Variants in RIT2 observed in about 807,000 individuals in gnomAD.
RIT2 encodes GTP-binding protein Rit2.
In RIT2, 24 loss-of-function variants were observed where a neutral mutation model predicts 23.7. The observed-to-expected ratio is 1.01, with a 90% confidence interval of 0.73 to 1.43. RIT2 has a LOEUF of 1.43. Among genes scored for constraint, RIT2 ranks in the 40% most tolerant of loss-of-function variants. The pLI is 0.00. For synonymous variants in RIT2, 107 were observed against 91.1 expected (o/e 1.17, Z -0.99); for missense variants, 236 against 266.9 (o/e 0.88, Z 0.81).
chr18:43,049,977 T>G (rs1273077771), intron 1 of RIT2, among the ~76,000 whole-genome samples: 25 of 18,094 alleles, frequency 1.4e-3, no homozygotes, highest in African/African-American at 2.4e-3. Context: ...ATTTCCTTTT[T>G]TTTTTTTTTT....
At chr18:42,922,654 G>A (rs1164303989) in intron 4 of RIT2, among the ~76,000 whole-genome samples, 4 of 152,014 alleles carry the variant, frequency 2.6e-5, no homozygotes, top group Admixed American at 2.0e-4. Context: ...ATCATAGTTC[G>A]GCCATCTGTT....
At chr18:43,095,176 G>A (rs1370993082) in intron 1 of RIT2, among the ~76,000 whole-genome samples, 11 of 151,878 alleles carry the variant, frequency 7.2e-5, no homozygotes, top group Admixed American at 3.9e-4. Flanking sequence ...ACACTCCCAC[G>A]AACAGTGTAA....
At chr18:43,086,897 C>T (rs1381489187) in intron 1 of RIT2, among the ~76,000 whole-genome samples, 2 of 152,162 alleles carry the variant, frequency 1.3e-5, no homozygotes, top group Non-Finnish European at 2.9e-5. Context: ...TCCTGCAGGA[C>T]AGTGACTATG....
At chr18:42,915,761 T>A (rs529050942) in intron 4 of RIT2, among the ~76,000 whole-genome samples, 11 of 152,130 alleles carry the variant, frequency 7.2e-5, no homozygotes, top group African/African-American at 2.4e-4. Flanking sequence ...AAAAACTAGA[T>A]TGAATCTGTA....
At chr18:42,843,713 T>G (rs916199639) in intron 4 of RIT2, among the ~76,000 whole-genome samples, 5 of 152,186 alleles carry the variant, frequency 3.3e-5, no homozygotes, top group Non-Finnish European at 5.9e-5. Context: ...TATAGAACTT[T>G]GGCAAGTATA....
intron 4 of RIT2, among the ~76,000 whole-genome samples, chr18:42,826,361 T>C (rs1015819784): frequency 6.6e-6 from 1 of 152,106 alleles, no homozygotes. Flanking sequence ...CTCAACATGA[T>C]AATGTTTAAT....
At chr18:42,970,163 C>T (rs924112654) in intron 3 of RIT2, among the ~76,000 whole-genome samples, 6 of 151,714 alleles carry the variant, frequency 4.0e-5, no homozygotes, top group African/African-American at 9.7e-5. Context: ...GCATTTTCCA[C>T]GTATGTAATG....
At chr18:43,047,160 T>C (rs796989821) in intron 1 of RIT2, among the ~76,000 whole-genome samples, 15 of 152,276 alleles carry the variant, frequency 9.9e-5, no homozygotes, top group African/African-American at 3.4e-4. Flanking sequence ...CTTTTATTTT[T>C]CTACCGTTTC....
chr18:42,931,417 A>C (rs1266999248), intron 3 of RIT2, among the ~76,000 whole-genome samples: 1 of 152,142 alleles, frequency 6.6e-6, no homozygotes, highest in Non-Finnish European at 1.5e-5. Flanking sequence ...CAACAATTAT[A>C]AAGCAAGTTA....
intron 1 of RIT2, among the ~76,000 whole-genome samples, chr18:43,076,361 T>G (rs1168297063): frequency 3.9e-5 from 6 of 152,068 alleles, no homozygotes; most frequent in Admixed American, 6.5e-5. Flanking sequence ...TTTTTTTTCC[T>G]CTCAGTAAGT....
chr18:42,796,847 ATTAC>A (rs1406791423), intron 4 of RIT2, among the ~76,000 whole-genome samples: 1 of 152,220 alleles, frequency 6.6e-6, no homozygotes, highest in Non-Finnish European at 1.5e-5. Flanking sequence ...AATTGTAAAT[ATTAC>A]TTAATACCTA....
chr18:42,983,941 A>T (rs1046766290), intron 2 of RIT2, among the ~76,000 whole-genome samples: 4 of 152,074 alleles, frequency 2.6e-5, no homozygotes, highest in African/African-American at 9.7e-5. Context: ...CACTCTGAAG[A>T]TTGTTTCCTA....
chr18:42,846,500 A>T (rs182795301), intron 4 of RIT2, among the ~76,000 whole-genome samples: 25 of 152,160 alleles, frequency 1.6e-4, no homozygotes, highest in African/African-American at 5.8e-4. Context: ...TCACAGTGGA[A>T]AATTAGAGTC....
At chr18:42,963,320 T>C (rs1224707621) in intron 3 of RIT2, among the ~76,000 whole-genome samples, 2 of 152,158 alleles carry the variant, frequency 1.3e-5, no homozygotes, top group Non-Finnish European at 2.9e-5. Context: ...ACCTGCAATA[T>C]AGCTAGCAAG....
At chr18:43,029,426 T>C (rs1334602681) in intron 2 of RIT2, among the ~76,000 whole-genome samples, 2 of 152,006 alleles carry the variant, frequency 1.3e-5, no homozygotes, top group Admixed American at 1.3e-4. Flanking sequence ...AATAACTGAT[T>C]GCTCAGTTGT....
At chr18:42,848,293 C>T (rs1032077654) in intron 4 of RIT2, among the ~76,000 whole-genome samples, 2 of 152,122 alleles carry the variant, frequency 1.3e-5, no homozygotes, top group African/African-American at 4.8e-5. Context: ...TCCTACAAAA[C>T]ACAACCTATT....
At chr18:42,964,417 T>C (rs1369968634) in intron 3 of RIT2, among the ~76,000 whole-genome samples, 1 of 151,956 alleles carries the variant, frequency 6.6e-6, no homozygotes, top group Admixed American at 6.6e-5. Flanking sequence ...TCCAAGATTT[T>C]TACCCTAAAG....
chr18:42,790,764 A>G (rs746272560), intron 4 of RIT2, among the ~76,000 whole-genome samples: 2 of 152,222 alleles, frequency 1.3e-5, no homozygotes, highest in Non-Finnish European at 2.9e-5. Flanking sequence ...AAGTTTTTAA[A>G]TTCTTTTTAT....
At chr18:42,836,564 G>A (rs1381642528) in intron 4 of RIT2, among the ~76,000 whole-genome samples, 1 of 152,146 alleles carries the variant, frequency 6.6e-6, no homozygotes, top group African/African-American at 2.4e-5. Context: ...CAGAGGAGAA[G>A]CTTCGTTTGG....
Sources: gnomAD v4.1 joint callset for allele counts (sites outside exome capture counted in the v4.1 genomes callset) on GRCh38, gnomAD v4.1.1 for gene constraint, MANE v1.5 for transcripts, NCBI Gene and HGNC (gene_info 2026-07-23, HGNC 2026-07-21) for gene names.